Variants in AFG2A observed in about 807,000 individuals in gnomAD.
The protein encoded by AFG2A is AAA ATPase AFG2A, also known as ATPase family gene 2 protein homolog A.
chr4:123,240,175 A>G, the AFG2A span, among the ~76,000 whole-genome samples: 2 of 152,192 alleles, frequency 1.3e-5, no homozygotes, highest in African/African-American at 4.8e-5. Flanking sequence ...CAGATTCATA[A>G]AGCAATCTGG....
At chr4:123,151,420 C>T in the AFG2A span, among the ~76,000 whole-genome samples, 1 of 151,752 alleles carries the variant, frequency 6.6e-6, no homozygotes, top group African/African-American at 2.4e-5. Flanking sequence ...AACAAATTTA[C>T]AAGAAAAAAA....
the AFG2A span, among the ~76,000 whole-genome samples, chr4:123,258,390 TTCTC>T: frequency 6.6e-6 from 1 of 152,156 alleles, no homozygotes; most frequent in Non-Finnish European, 1.5e-5. Flanking sequence ...AAGGTTTCAT[TTCTC>T]TCTCTCTGTT....
chr4:123,170,961 A>T, the AFG2A span, among the ~76,000 whole-genome samples: 1 of 152,182 alleles, frequency 6.6e-6, no homozygotes, highest in Non-Finnish European at 1.5e-5. Context: ...ATTAAATGAG[A>T]TCATATCTGT....
At chr4:123,228,613 T>C in the AFG2A span, among the ~76,000 whole-genome samples, 1 of 152,042 alleles carries the variant, frequency 6.6e-6, no homozygotes, top group African/African-American at 2.4e-5. Flanking sequence ...TTATGCTGAT[T>C]ATTTTAATAT....
the AFG2A span, among the ~76,000 whole-genome samples, chr4:123,168,795 C>G: frequency 1.3e-5 from 2 of 152,124 alleles, no homozygotes; most frequent in African/African-American, 2.4e-5. Context: ...CTATACTTCC[C>G]TATGGAAAAG....
chr4:123,137,741 C>G, the AFG2A span, among the ~76,000 whole-genome samples: 1 of 152,026 alleles, frequency 6.6e-6, no homozygotes, highest in Non-Finnish European at 1.5e-5. Flanking sequence ...CTGTTTGCTT[C>G]CGTTTTTCAT....
the AFG2A span, among the ~76,000 whole-genome samples, chr4:123,083,917 A>G: frequency 5.3e-5 from 8 of 152,234 alleles, no homozygotes; most frequent in South Asian, 1.7e-3. Flanking sequence ...GTTTGGTTGA[A>G]TTCACCAGGA....
At chr4:123,128,806 T>TTTC in the AFG2A span, among the ~76,000 whole-genome samples, 1 of 152,138 alleles carries the variant, frequency 6.6e-6, no homozygotes, top group Non-Finnish European at 1.5e-5. Flanking sequence ...AGTGGTTCTT[T>TTTC]TTCTTCTTCT....
At chr4:123,130,337 A>T in the AFG2A span, among the ~76,000 whole-genome samples, 1 of 152,172 alleles carries the variant, frequency 6.6e-6, no homozygotes, top group East Asian at 1.9e-4. Flanking sequence ...AGTTTTGATA[A>T]ATGCATAGAA....
the AFG2A span, among the ~76,000 whole-genome samples, chr4:123,085,338 C>T: frequency 6.6e-6 from 1 of 152,126 alleles, no homozygotes; most frequent in Non-Finnish European, 1.5e-5. Context: ...ATCTGCTTCT[C>T]CTTATAGTTC....
At chr4:123,268,239 C>G in the AFG2A span, among the ~76,000 whole-genome samples, 26 of 151,996 alleles carry the variant, frequency 1.7e-4, no homozygotes, top group African/African-American at 5.1e-4. Flanking sequence ...GGCCACAAAA[C>G]AAGCACCAGA....
the AFG2A span, among the ~76,000 whole-genome samples, chr4:123,196,190 T>TTTTTTA: frequency 1.4e-5 from 2 of 145,862 alleles, no homozygotes; most frequent in Non-Finnish European, 3.0e-5. Flanking sequence ...TTTTTTTTTT[T>TTTTTTA]AGTAGGGATG....
At chr4:123,054,717 C>CA in the AFG2A span, among the ~76,000 whole-genome samples, 30 of 148,652 alleles carry the variant, frequency 2.0e-4, no homozygotes, top group Non-Finnish European at 4.0e-4. Flanking sequence ...GACTTCATCT[C>CA]AAAAAAAAAA....
the AFG2A span, among the ~76,000 whole-genome samples, chr4:123,027,523 T>G: frequency 2.0e-5 from 3 of 152,294 alleles, no homozygotes; most frequent in East Asian, 5.8e-4. Flanking sequence ...CTTTTCAGTT[T>G]GTTATTGTAC....
the AFG2A span, among the ~76,000 whole-genome samples, chr4:123,213,587 T>C: frequency 6.6e-6 from 1 of 152,188 alleles, no homozygotes; most frequent in Non-Finnish European, 1.5e-5. Context: ...TCAGTGAATA[T>C]TAAATGTGGG....
the AFG2A span, among the ~76,000 whole-genome samples, chr4:123,069,597 A>G: frequency 1.3e-5 from 2 of 152,206 alleles, no homozygotes; most frequent in Non-Finnish European, 2.9e-5. Flanking sequence ...TCCTGAGCCA[A>G]GCATTTCTGC....
chr4:123,004,152 C>T, the AFG2A span, among the ~76,000 whole-genome samples: 1 of 152,194 alleles, frequency 6.6e-6, no homozygotes, highest in African/African-American at 2.4e-5. Flanking sequence ...GTTTCCTAAG[C>T]CCGTTGGAAA....
the AFG2A span, among the ~76,000 whole-genome samples, chr4:123,051,144 T>A: frequency 2.0e-5 from 3 of 152,066 alleles, no homozygotes; most frequent in Admixed American, 1.3e-4. Context: ...ACATTTTTTT[T>A]TTGGTATTAT....
chr4:122,972,467 C>T, the AFG2A span, among the ~76,000 whole-genome samples: 1 of 150,992 alleles, frequency 6.6e-6, no homozygotes, highest in African/African-American at 2.4e-5. Context: ...TTATTTCCCT[C>T]CTTCTTTTTT....
Sources: allele counts gnomAD v4.1 joint callset (sites outside exome capture counted in the v4.1 genomes callset), GRCh38; gene constraint gnomAD v4.1.1; transcripts MANE v1.5; gene names NCBI Gene and HGNC (gene_info 2026-07-23, HGNC 2026-07-21).